Variants in MIGA2 observed in about 807,000 individuals in gnomAD.
The protein encoded by MIGA2 is family with sequence similarity 73, member B.
In MIGA2, 36 loss-of-function variants were observed where a neutral mutation model predicts 69.9. The observed-to-expected ratio is 0.52, with a 90% CI of 0.39 to 0.68. MIGA2 has a LOEUF of 0.68. MIGA2 is among the 30% of genes least tolerant of loss of function. MIGA2 has a pLI of 0.00. For missense variants in MIGA2, 660 were observed against 787.7 expected, an observed-to-expected ratio of 0.84 and a Z score of 1.94; for synonymous variants, 333 against 349.2, an observed-to-expected ratio of 0.95 and a Z score of 0.52.
At chr9:129,052,667 C>T in intron 6 of MIGA2, among the ~76,000 whole-genome samples, 1 of 152,134 alleles carries the variant, frequency 6.6e-6, no homozygotes. Context: ...CATTCCTCTA[C>T]CCGTGTGTCC....
chr9:129,039,543 C>T (rs529151023), intron 1 of MIGA2, among the ~76,000 whole-genome samples: 73 of 151,340 alleles, frequency 4.8e-4, no homozygotes, highest in African/African-American at 1.6e-3. Flanking sequence ...CTGTGCCCAG[C>T]TTCTTTATTT....
At chr9:129,043,483 T>A (rs550356521) in intron 3 of MIGA2, among the ~76,000 whole-genome samples, 1 of 149,704 alleles carries the variant, frequency 6.7e-6, no homozygotes, top group Non-Finnish European at 1.5e-5. Flanking sequence ...GCCTCTTAGG[T>A]TCAAGAGATT....
chr9:129,040,723 A>G lies in MIGA2; in HGVS notation c.96+33A>G, dbSNP rs764299874. ...TCAGGGTGGGTTGTACCTCTGGTCT[A>G]TGAAACACTTCCATGCTCAGCCAAG... On this transcript the variant is annotated intron_variant, in intron 2 of 15. Coordinates refer to ENST00000684074, the MANE Select transcript of MIGA2 (RefSeq NM_001329990.2). 1.5e-5 allele frequency: 24 copies of G among 1,589,292 alleles called. No individual in the cohort carries two copies. The Admixed American group carries it at 1.7e-4, about 11-fold the overall frequency.
chr9:129,066,252 C>T (rs1846335160), intron 11 of MIGA2, among the ~76,000 whole-genome samples: 1 of 152,198 alleles, frequency 6.6e-6, no homozygotes, highest in African/African-American at 2.4e-5. Context: ...GAGCCCTTGA[C>T]TTGGTGTCTG....
intron 3 of MIGA2, among the ~76,000 whole-genome samples, chr9:129,044,918 G>A (rs1588373339): frequency 1.3e-5 from 2 of 149,218 alleles, no homozygotes; most frequent in South Asian, 4.4e-4. Context: ...GCAAAAGTAA[G>A]GCCAGGCGCG....
chr9:129,068,299 G>T lies in MIGA2; in HGVS notation c.1371G>T (p.Arg457=). 6.2e-7 allele frequency: 1 copy of T among 1,609,620 alleles called. No individual in the cohort carries two copies. The highest frequency in any genetic ancestry group is 8.5e-7 in the Non-Finnish European group (1 of 1,179,016). ...NPPASVLAVL[R]NRWLSDSFKE... is the part of the protein sequence containing the mutation. ...CGGCCTCGGTGCTCGCCGTCCTGCG[G>T]AACCGCTGGCTGTCAGACAGCTTCA... The change falls in exon 13 of 16, where the codon CGG becomes CGT. Residue 457 remains arginine, a synonymous_variant. Coordinates refer to ENST00000684074, the MANE Select transcript of MIGA2 (RefSeq NM_001329990.2). The surrounding 1 kb of genome is among the most constrained non-coding windows in gnomAD (Gnocchi z 4.1).
intron 6 of MIGA2, among the ~76,000 whole-genome samples, chr9:129,056,670 C>T (rs1845813289): frequency 6.6e-6 from 1 of 152,060 alleles, no homozygotes; most frequent in Non-Finnish European, 1.5e-5. Context: ...AGGCGCACAC[C>T]ACCAAGCCCA....
At chr9:129,049,558 CT>C in intron 5 of MIGA2, 60 bp downstream of exon 5, 1 of 1,542,526 alleles carries the variant, frequency 6.5e-7, no homozygotes, top group Non-Finnish European at 8.9e-7. Flanking sequence ...CAGTCCCTTC[CT>C]AGGAGCTTGG....
Position 129,040,492 on chromosome 9 carries a change from C to T in MIGA2, c.-103C>T. On this transcript the variant is annotated 5_prime_UTR_variant, in exon 2 of 16. Coordinates refer to ENST00000684074, the MANE Select transcript of MIGA2 (RefSeq NM_001329990.2). ...CTCTGGTATGTGTGTCCCTGTCCTT[C>T]TGGGGCGTGGATGGTGCCTGGGACC... 6.8e-7 allele frequency: 1 copy of T among 1,474,592 alleles called. No homozygotes were observed. The highest frequency in any genetic ancestry group is 9.1e-7 in the Non-Finnish European group (1 of 1,102,310). 91.3% of individuals were successfully genotyped at this position (1,474,592 alleles called of 1,614,324 possible).
In MIGA2 at chr9:129,040,605, G is replaced by A. The variant is rs1381143430; in HGVS notation, c.11G>A (p.Arg4Gln). Residue 4 changes from arginine (R) to glutamine (Q), a missense_variant, in exon 2 of 16, where the codon CGG becomes CAG. This residue lies in a region of MIGA2 where 54 missense variants were observed against 84.0 expected (regional missense o/e 0.64). Transcript: ENST00000684074. Reference sequence around the variant, plus strand: ...GGCATTGGCCCTGCCATGGCGTTCCGGAGGGCCGAGGGCACGTCTATGATC... The same window carrying A: ...GGCATTGGCCCTGCCATGGCGTTCCAGAGGGCCGAGGGCACGTCTATGATC... MAFRRAEGTSMIQA... is the reference protein window; with the variant it reads MAFQRAEGTSMIQA... 6 of 1,612,254 alleles carry A rather than the reference G, an allele frequency of 3.7e-6. No individual in the cohort carries two copies. The Admixed American group carries it at 6.7e-5, about 18-fold the overall frequency.
In MIGA2 at chr9:129,042,525, G is replaced by A. The variant is rs1462567675; in HGVS notation, c.307+11G>A. The A allele has an allele frequency of 6.5e-7, 1 of 1,549,724 alleles. No individual in the cohort carries two copies. Among genetic ancestry groups the A allele is most frequent in the Non-Finnish European group, 8.7e-7 (1 of 1,150,020 alleles). On this transcript the variant is annotated intron_variant, in intron 3 of 15. Coordinates refer to ENST00000684074, the MANE Select transcript of MIGA2 (RefSeq NM_001329990.2). ...CTTCAGTGAAGAAAGGTAGGTGTGA[G>A]GTGGTGGGCATAGGCCTGACCTGAG...
In MIGA2 at chr9:129,063,327, C is replaced by G. The variant is rs765756322; in HGVS notation, c.1083+11C>G. On this transcript the variant is annotated intron_variant, in intron 10 of 15. Coordinates refer to ENST00000684074, the MANE Select transcript of MIGA2 (RefSeq NM_001329990.2). Reference sequence around the variant, plus strand: ...CGGCAGGCCTTCGAGGTGGGTGTGGCCTGGGGGTTCCTCGGGGGTGGGAGG... The same window carrying G: ...CGGCAGGCCTTCGAGGTGGGTGTGGGCTGGGGGTTCCTCGGGGGTGGGAGG... The G allele has an allele frequency of 1.2e-6, 2 of 1,613,810 alleles. No individual in the cohort carries two copies. The highest frequency in any genetic ancestry group is 3.3e-5 in the Admixed American group (2 of 59,996).
chr9:129,053,851 G>T (rs1187972302), intron 6 of MIGA2, among the ~76,000 whole-genome samples: 5 of 149,164 alleles, frequency 3.4e-5, no homozygotes, highest in Non-Finnish European at 7.5e-5. Flanking sequence ...TTGAGACGGG[G>T]TCTTACTCTG....
intron 6 of MIGA2, among the ~76,000 whole-genome samples, chr9:129,054,592 T>C (rs1845704212): frequency 6.6e-6 from 1 of 152,104 alleles, no homozygotes; most frequent in Admixed American, 6.6e-5. Context: ...TCACGGACGT[T>C]TCTAGAAATG....
chr9:129,049,877 G>T lies in MIGA2; in HGVS notation c.589G>T (p.Val197Leu), dbSNP rs928581138. 23 of 1,613,902 alleles carry T rather than the reference G, an allele frequency of 1.4e-5. No individual in the cohort carries two copies. In the Admixed American group the frequency reaches 1.5e-4, roughly 11 times the overall value. ...ALQKWEQALS[V>L]GQRGDSGSTP... Reference sequence around the variant, plus strand: ...GCAGAAGTGGGAGCAGGCACTAAGCGTGGGCCAGCGGGGGGACAGCGGCAG... The same window carrying T: ...GCAGAAGTGGGAGCAGGCACTAAGCTTGGGCCAGCGGGGGGACAGCGGCAG... Residue 197 changes from valine (V) to leucine (L), a missense_variant, in exon 6 of 16, where the codon GTG (valine) becomes TTG (leucine). Coordinates refer to ENST00000684074, the MANE Select transcript of MIGA2 (RefSeq NM_001329990.2).
Position 129,068,012 on chromosome 9 carries a change from G to A in MIGA2, c.1269+141G>A. 7.9e-7 allele frequency: 1 copy of A among 1,273,196 alleles called. No homozygotes were observed. The highest frequency in any genetic ancestry group is 1.1e-6 in the Non-Finnish European group (1 of 900,048). 78.9% of individuals were successfully genotyped at this position (1,273,196 alleles called of 1,614,324 possible). ...GCTCATAGTCCCCGGTTCCTGCCCT[G>A]CCCCAGGCCAAGGCAGAGGGAGGAA... is the stretch of plus-strand genomic sequence containing the variant. On this transcript the variant is annotated intron_variant, in intron 12 of 15. Transcript: ENST00000684074. This position sits in a 1 kb window ranked among gnomAD's most constrained non-coding sequence, Gnocchi z 4.1.
rs774037538 is a variant in MIGA2, at chr9:129,067,792, A to G, written c.1190A>G (p.Glu397Gly). Residue 397 changes from glutamate to glycine, a missense_variant, in exon 12 of 16, where the codon GAG (glutamate) becomes GGG (glycine). Coordinates refer to ENST00000684074, the MANE Select transcript of MIGA2 (RefSeq NM_001329990.2). Reference protein sequence around the residue: ...KAEKSPKGFLESYEEMLSYAL... With the variant: ...KAEKSPKGFLGSYEEMLSYAL... ...CCACAGAGCCCCAAAGGCTTCCTGG[A>G]GAGCTACGAGGAGATGCTGAGCTAT... The G allele has an allele frequency of 6.2e-6, 10 of 1,612,566 alleles. No homozygotes were observed. The Admixed American group carries it at 8.3e-5, about 13-fold the overall frequency.
chr9:129,048,884 G>T (rs549935169), intron 4 of MIGA2, among the ~76,000 whole-genome samples: 1 of 152,280 alleles, frequency 6.6e-6, no homozygotes. Context: ...CAGAAGCTTG[G>T]CTTCTTCTGG....
Position 129,068,438 on chromosome 9 carries a change from CA to C in MIGA2, c.1404+107del. On this transcript the variant is annotated intron_variant, in intron 13 of 15. Transcript: ENST00000684074. This position sits in a 1 kb window ranked among gnomAD's most constrained non-coding sequence, Gnocchi z 4.1. Reference sequence around the variant, plus strand: ...AGCACTGGCACCAGGGCTGGGCCCCCACCCCCTAGATCCGCGGCTGCCAGGC... The same window carrying C: ...AGCACTGGCACCAGGGCTGGGCCCCCCCCCCTAGATCCGCGGCTGCCAGGC... 1 of 1,488,734 alleles carries C rather than the reference CA, an allele frequency of 6.7e-7. No individual in the cohort carries two copies. The highest frequency in any genetic ancestry group is 1.4e-5 in the African/African-American group (1 of 72,500). 92.2% of individuals were successfully genotyped at this position (1,488,734 alleles called of 1,614,324 possible).
Sources: gnomAD v4.1 joint callset for allele counts (sites outside exome capture counted in the v4.1 genomes callset) on GRCh38, gnomAD v4.1.1 for gene constraint, gnomAD v4.1.1 regional missense constraint, Gnocchi (gnomAD v3.1) non-coding constraint, MANE v1.5 for transcripts, NCBI Gene and HGNC (gene_info 2026-07-23, HGNC 2026-07-21) for gene names.